OPRK1: variants seen among roughly 807,000 people sequenced by gnomAD.
OPRK1 encodes the protein kappa-type opioid receptor.
Under a neutral mutation model 24.5 loss-of-function variants are expected in OPRK1, and 15 were observed. The observed-to-expected ratio is 0.61, with a 90% CI of 0.41 to 0.94. The LOEUF is 0.94. Ranked by LOEUF, OPRK1 falls within the 40% of genes least tolerant of loss-of-function variation. The pLI is 0.00. For missense variants in OPRK1, 479 were observed against 507.3 expected, an observed-to-expected ratio of 0.94 and a Z score of 0.54; for synonymous variants, 205 against 198.0, an observed-to-expected ratio of 1.04 and a Z score of -0.30.
chr8:53,229,164 G>T lies in OPRK1; in HGVS notation c.*133C>A. ...ACGTGGTCTGCATCTGATGACTTCA[G>T]ACCATGAGATCTCTAAAAGTTTATT... On this transcript the variant is annotated 3_prime_UTR_variant, in exon 4 of 4. Transcript: ENST00000265572. The T allele has an allele frequency of 1.8e-6, 2 of 1,133,310 alleles. No homozygotes were observed. The highest frequency in any genetic ancestry group is 2.4e-6 in the Non-Finnish European group (2 of 818,224). 70.2% of individuals were successfully genotyped at this position (1,133,310 alleles called of 1,614,324 possible).
intron 3 of OPRK1, among the ~76,000 whole-genome samples, chr8:53,233,910 A>G (rs1806915976): frequency 6.6e-6 from 1 of 152,118 alleles, no homozygotes; most frequent in African/African-American, 2.4e-5. Context: ...AAAAACATCA[A>G]CAGGGGGCCG....
intron 3 of OPRK1, among the ~76,000 whole-genome samples, chr8:53,233,594 A>G (rs1201258159): frequency 6.6e-6 from 1 of 152,218 alleles, no homozygotes; most frequent in Non-Finnish European, 1.5e-5. Flanking sequence ...AGCATTAAAC[A>G]GCATGAGTAG....
intron 2 of OPRK1, among the ~76,000 whole-genome samples, chr8:53,240,717 C>G (rs1807093113): frequency 6.6e-6 from 1 of 151,656 alleles, no homozygotes; most frequent in South Asian, 2.1e-4. Context: ...TCAAAGGATA[C>G]AAAGCTTCAG....
chr8:53,234,514 A>C (rs1017187217), intron 3 of OPRK1, among the ~76,000 whole-genome samples: 8 of 152,194 alleles, frequency 5.3e-5, no homozygotes, highest in Non-Finnish European at 8.8e-5. Flanking sequence ...TCTACTAAAC[A>C]TTGCCAGAAT....
rs764375986 is a variant in OPRK1 at position 53,229,563 on chromosome 8, A to G, written c.877T>C (p.Phe293Leu). 3.7e-6 allele frequency: 6 copies of G among 1,614,186 alleles called. No homozygotes were observed. The Admixed American group carries it at 6.7e-5, about 18-fold the overall frequency. ...CTCCCCAGAGCCTCCACCAGGATGAATATGTGAATGGGAGTCCAGCAGACG... is the reference window on the plus strand; with the variant it reads ...CTCCCCAGAGCCTCCACCAGGATGAGTATGTGAATGGGAGTCCAGCAGACG... Reference protein sequence around the residue: ...FVVCWTPIHIFILVEALGSTS... With the variant: ...FVVCWTPIHILILVEALGSTS... Residue 293 changes from phenylalanine (F) to leucine (L), a missense_variant, in exon 4 of 4, where the codon TTC becomes CTC. Transcript: ENST00000265572.
intron 2 of OPRK1, 38 bp downstream of exon 2, chr8:53,250,743 C>A: frequency 6.4e-7 from 1 of 1,559,160 alleles, no homozygotes; most frequent in African/African-American, 1.4e-5. Flanking sequence ...ACTCCCTGCC[C>A]CGCCCAGCCC....
chr8:53,233,883 T>C (rs1361750224), intron 3 of OPRK1, among the ~76,000 whole-genome samples: 2 of 152,022 alleles, frequency 1.3e-5, no homozygotes, highest in African/African-American at 4.8e-5. Flanking sequence ...TGAGAACTAC[T>C]GTCCTAGAAA....
chr8:53,240,629 C>T (rs1308048792), intron 2 of OPRK1, among the ~76,000 whole-genome samples: 1 of 151,778 alleles, frequency 6.6e-6, no homozygotes, highest in African/African-American at 2.4e-5. Flanking sequence ...TTTTCCTGGG[C>T]GTGTCTTCCA....
intron 3 of OPRK1, among the ~76,000 whole-genome samples, chr8:53,232,085 A>C (rs957728245): frequency 4.6e-5 from 7 of 152,212 alleles, no homozygotes; most frequent in Non-Finnish European, 1.5e-5. Flanking sequence ...GGCAATCATC[A>C]AGAATCCCAG....
chr8:53,243,040 A>G (rs1315853321), intron 2 of OPRK1: 1 of 1,080,718 alleles, frequency 9.3e-7, no homozygotes, highest in Non-Finnish European at 1.2e-6. Context: ...AAAGAAAGGG[A>G]AAAAAAGGGA....
At chr8:53,250,266 C>T (rs1807341215) in intron 2 of OPRK1, among the ~76,000 whole-genome samples, 1 of 152,168 alleles carries the variant, frequency 6.6e-6, no homozygotes, top group Non-Finnish European at 1.5e-5. Context: ...AACGCTAGAG[C>T]ATATATCAGG....
chr8:53,236,256 C>A (rs1806994230), intron 2 of OPRK1, among the ~76,000 whole-genome samples: 1 of 152,186 alleles, frequency 6.6e-6, no homozygotes, highest in Admixed American at 6.5e-5. Context: ...AATGACTTAT[C>A]TGATTTTCAG....
chr8:53,251,224 C>G (rs1807389521), intron 1 of OPRK1, 139 bp from the exon 2 acceptor site: 1 of 947,502 alleles, frequency 1.1e-6, no homozygotes, highest in Non-Finnish European at 1.5e-6. Context: ...GAACGGACTT[C>G]TCGCTGCCTT....
At chr8:53,232,179 T>TA (rs144568787) in intron 3 of OPRK1, among the ~76,000 whole-genome samples, 7,281 of 145,494 alleles carry the variant, frequency 0.05, 221 homozygotes, top group African/African-American at 0.081. Context: ...TTTGGGAGGT[T>TA]AAAAAAAAAA....
chr8:53,249,941 C>A (rs1266818103), intron 2 of OPRK1, among the ~76,000 whole-genome samples: 1 of 152,112 alleles, frequency 6.6e-6, no homozygotes, highest in Admixed American at 6.5e-5. Flanking sequence ...AAGAAAAGTG[C>A]AGAACAAAGT....
chr8:53,251,096 G>C lies in OPRK1; in HGVS notation c.-48-11C>G. 2 of 1,430,546 alleles carry C rather than the reference G, an allele frequency of 1.4e-6. No homozygotes were observed. Among genetic ancestry groups the C allele is most frequent in the South Asian group, 1.5e-5 (1 of 66,674 alleles). The allele number at this position is 1,430,546 out of a possible 1,614,324, so 88.6% of individuals were successfully genotyped here. On this transcript the variant is annotated splice_polypyrimidine_tract_variant and intron_variant, in intron 1 of 3. Coordinates refer to ENST00000265572, the MANE Select transcript of OPRK1 (RefSeq NM_000912.5). Reference sequence around the variant, plus strand: ...GCGGCACCTGCGGCGCTGCGGGAGCGAAAGAACCGGCTGGACGCGGAGAGG... The same window carrying C: ...GCGGCACCTGCGGCGCTGCGGGAGCCAAAGAACCGGCTGGACGCGGAGAGG...
At chr8:53,231,651 C>T (rs1225921350) in intron 3 of OPRK1, among the ~76,000 whole-genome samples, 1 of 152,188 alleles carries the variant, frequency 6.6e-6, no homozygotes, top group African/African-American at 2.4e-5. Flanking sequence ...TGGAGAAACC[C>T]AGCCTGCCTT....
intron 2 of OPRK1, among the ~76,000 whole-genome samples, chr8:53,248,355 G>A (rs912148779): frequency 6.6e-6 from 1 of 152,188 alleles, no homozygotes; most frequent in Non-Finnish European, 1.5e-5. Flanking sequence ...GAGCATCTAA[G>A]TTCCATTTCT....
At chr8:53,231,656 T>C (rs1806856600) in intron 3 of OPRK1, among the ~76,000 whole-genome samples, 1 of 152,212 alleles carries the variant, frequency 6.6e-6, no homozygotes, top group Non-Finnish European at 1.5e-5. Context: ...AAACCCAGCC[T>C]GCCTTAATCA....
Sources: allele counts gnomAD v4.1 joint callset (sites outside exome capture counted in the v4.1 genomes callset), GRCh38; gene constraint gnomAD v4.1.1; transcripts MANE v1.5; gene names NCBI Gene and HGNC (gene_info 2026-07-23, HGNC 2026-07-21).